Variants in SETD2 observed in about 807,000 individuals in gnomAD.
The protein encoded by SETD2 is histone-lysine N-methyltransferase SETD2.
A neutral mutation model predicts 242.1 loss-of-function variants in SETD2; 31 were observed. That is an observed-to-expected ratio of 0.13 (90% confidence interval 0.10 to 0.17). The LOEUF (loss-of-function observed/expected upper bound fraction) is 0.17, where lower values mean the gene tolerates loss of function less well. Ranked by LOEUF, SETD2 falls within the 10% of genes least tolerant of loss-of-function variation. The pLI is 1.00. For synonymous variants in SETD2, 1,006 were observed against 1,066.5 expected, an observed-to-expected ratio of 0.94 and a Z score of 1.11; for missense variants, 2,481 against 3,046.3, an observed-to-expected ratio of 0.81 and a Z score of 4.37.
chr3:47,141,580 C>T (rs1212300950), intron 1 of SETD2, among the ~76,000 whole-genome samples: 3 of 152,082 alleles, frequency 2.0e-5, no homozygotes, highest in African/African-American at 7.2e-5. Context: ...TAAATAACTG[C>T]TTACTTTCAT....
chr3:47,069,074 T>C (rs1261977079), intron 12 of SETD2, among the ~76,000 whole-genome samples: 1 of 152,194 alleles, frequency 6.6e-6, no homozygotes, highest in Admixed American at 6.5e-5. Context: ...ATTACAGATG[T>C]GAGCCACCGC....
chr3:47,110,672 C>T (rs2042613215), intron 5 of SETD2, among the ~76,000 whole-genome samples: 1 of 151,982 alleles, frequency 6.6e-6, no homozygotes, highest in Non-Finnish European at 1.5e-5. Flanking sequence ...GTAAACAACG[C>T]AAGAGTTTTG....
At chr3:47,136,104 G>C (rs757534896) in intron 1 of SETD2, among the ~76,000 whole-genome samples, 1 of 152,020 alleles carries the variant, frequency 6.6e-6, no homozygotes, top group Non-Finnish European at 1.5e-5. Context: ...AACTGATGAC[G>C]ATTATCCCAT....
Position 47,122,067 on chromosome 3 carries a change from C to T in SETD2, c.2569G>A (p.Gly857Ser), listed in dbSNP as rs767694898. The change falls in exon 3 of 21, where the codon GGT becomes AGT. Residue 857 changes from glycine to serine, a missense_variant. Around this residue, in one of 17 missense-constraint regions of SETD2, gnomAD observed 1,300 missense variants for 1,259.2 expected, o/e 1.03. Coordinates refer to ENST00000409792, the MANE Select transcript of SETD2 (RefSeq NM_014159.7). ...FACEEYKQSI[G>S]STSSASVNHF... Reference sequence around the variant, plus strand: ...TTAACAGAAGCTGAACTAGTGCTACCGATGCTCTGCTTATATTCTTCACAT... The same window carrying T: ...TTAACAGAAGCTGAACTAGTGCTACTGATGCTCTGCTTATATTCTTCACAT... 8.7e-6 allele frequency: 14 copies of T among 1,613,646 alleles called. No individual in the cohort carries two copies. Among genetic ancestry groups the T allele is most frequent in the East Asian group, 4.5e-5 (2 of 44,882 alleles).
At chr3:47,118,757 C>T (rs1438588542) in intron 3 of SETD2, among the ~76,000 whole-genome samples, 1 of 151,630 alleles carries the variant, frequency 6.6e-6, no homozygotes, top group Admixed American at 6.6e-5. Context: ...AATCTATGTG[C>T]ACAGTTTTAT....
At chr3:47,063,461 A>G (rs942894901) in intron 13 of SETD2, among the ~76,000 whole-genome samples, 1 of 152,148 alleles carries the variant, frequency 6.6e-6, no homozygotes, top group Non-Finnish European at 1.5e-5. Context: ...TGGGCAACAG[A>G]GCAAGATCCT....
intron 15 of SETD2, among the ~76,000 whole-genome samples, chr3:47,049,201 C>A (rs1388492976): frequency 6.6e-6 from 1 of 151,450 alleles, no homozygotes; most frequent in African/African-American, 2.4e-5. Context: ...GCCTTGGCCT[C>A]CCAGATTGCT....
At chr3:47,048,593 A>G (rs1244778068) in intron 15 of SETD2, among the ~76,000 whole-genome samples, 1 of 152,186 alleles carries the variant, frequency 6.6e-6, no homozygotes, top group African/African-American at 2.4e-5. Context: ...GTAACTTACT[A>G]TAACTTTTTT....
At chr3:47,062,920 G>A (rs1252010560) in intron 13 of SETD2, among the ~76,000 whole-genome samples, 1 of 152,098 alleles carries the variant, frequency 6.6e-6, no homozygotes, top group Non-Finnish European at 1.5e-5. Context: ...TCCAGCCTGG[G>A]CAAACGAAGC....
At chr3:47,034,768 C>G (rs2038927675) in intron 18 of SETD2, among the ~76,000 whole-genome samples, 1 of 152,180 alleles carries the variant, frequency 6.6e-6, no homozygotes, top group South Asian at 2.1e-4. Flanking sequence ...CTTCCTATGA[C>G]CCCTGGGAGC....
chr3:47,027,360 A>AG (rs1553675811), intron 18 of SETD2, among the ~76,000 whole-genome samples: 1 of 150,156 alleles, frequency 6.7e-6, no homozygotes, highest in African/African-American at 2.4e-5. Context: ...AAAAAAAAAA[A>AG]AGAGAACACA....
intron 1 of SETD2, among the ~76,000 whole-genome samples, chr3:47,159,162 T>C (rs1274156894): frequency 6.6e-6 from 1 of 152,150 alleles, no homozygotes; most frequent in Non-Finnish European, 1.5e-5. Flanking sequence ...TACCAAGGAT[T>C]CTCTGGTAAT....
At chr3:47,137,616 T>C (rs1415257117) in intron 1 of SETD2, among the ~76,000 whole-genome samples, 1 of 152,222 alleles carries the variant, frequency 6.6e-6, no homozygotes, top group Non-Finnish European at 1.5e-5. Flanking sequence ...TTATCTTGTT[T>C]ACAGCTGCAT....
intron 10 of SETD2, among the ~76,000 whole-genome samples, chr3:47,086,650 A>G (rs2041570309): frequency 6.6e-6 from 1 of 152,164 alleles, no homozygotes; most frequent in South Asian, 2.1e-4. Context: ...AGCTAAAACC[A>G]TAAAAATTAG....
In SETD2 at chr3:47,120,690, T is replaced by A. The variant is rs2043040689; in HGVS notation, c.3946A>T (p.Thr1316Ser). ...TGAGTTCGATCATACACAACCCCAG[T>A]TCCAGGAGGTCTACCTGATCTTGGA... ...WDPRSGRPPG[T>S]GVVYDRTQGQ... Residue 1316 changes from threonine to serine, a missense_variant, in exon 3 of 21, where the codon ACT becomes TCT. Physicochemically the swap from Thr to Ser is moderately conservative, Grantham distance 58. Around this residue, in one of 17 missense-constraint regions of SETD2, gnomAD observed 1,300 missense variants for 1,259.2 expected, o/e 1.03. Coordinates refer to ENST00000409792, the MANE Select transcript of SETD2 (RefSeq NM_014159.7). The A allele has an allele frequency of 6.2e-7, 1 of 1,614,182 alleles. No individual in the cohort carries two copies. Among genetic ancestry groups the A allele is most frequent in the Non-Finnish European group, 8.5e-7 (1 of 1,180,032 alleles).
In SETD2 at chr3:47,042,655, A is replaced by AG; in HGVS notation, c.7143dup (p.Ser2382LeufsTer47). 6.2e-7 allele frequency: 1 copy of AG among 1,612,648 alleles called. No individual in the cohort carries two copies. The highest frequency in any genetic ancestry group is 1.7e-5 in the Admixed American group (1 of 59,642). On this transcript the variant is annotated frameshift_variant, in exon 17 of 21. Transcript: ENST00000409792. LOFTEE classifies it high-confidence loss of function. ...ACAATGGTTTTTGGTTTGGGAGGAGAGGGGGGCGGCAGATCCAAGAGATTA... is the reference window on the plus strand; with the variant it reads ...ACAATGGTTTTTGGTTTGGGAGGAGAGGGGGGGCGGCAGATCCAAGAGATTA...
chr3:47,070,844 T>TTTACTGGAAGAGAATACTGAAGA (rs1456853437), intron 12 of SETD2, among the ~76,000 whole-genome samples: 2 of 152,202 alleles, frequency 1.3e-5, no homozygotes, highest in Non-Finnish European at 2.9e-5. Context: ...CAAAATGTTA[T>TTTACTGGAAGAGAATACTGAAGA]TTACTGGAAG....
Position 47,122,810 on chromosome 3 carries a change from C to G in SETD2, c.1826G>C (p.Arg609Thr). ...ELRMINKNPE[R>T]EKAGSPAPSN... The stretch of plus-strand genomic sequence containing the variant: ...TGGAGCTGGAGACCCAGCCTTTTCT[C>G]TTTCAGGATTTTTATTAATCATTCT... Residue 609 changes from arginine to threonine, a missense_variant, in exon 3 of 21, where the codon AGA (arginine) becomes ACA (threonine). Transcript: ENST00000409792. 6.2e-7 allele frequency: 1 copy of G among 1,613,412 alleles called. No individual in the cohort carries two copies. Among genetic ancestry groups the G allele is most frequent in the Non-Finnish European group, 8.5e-7 (1 of 1,179,824 alleles).
At chr3:47,162,316 A>G (rs1291630214) in intron 1 of SETD2, among the ~76,000 whole-genome samples, 1 of 152,340 alleles carries the variant, frequency 6.6e-6, no homozygotes, top group Non-Finnish European at 1.5e-5. Context: ...CTAAAAACCT[A>G]TAACATGAGC....
Sources: allele counts gnomAD v4.1 joint callset (sites outside exome capture counted in the v4.1 genomes callset), GRCh38; gene constraint gnomAD v4.1.1; regional missense constraint gnomAD v4.1.1; transcripts MANE v1.5; gene names NCBI Gene and HGNC (gene_info 2026-07-23, HGNC 2026-07-21).